Variants in DDX41 observed in about 807,000 individuals in gnomAD.
DDX41 encodes the protein probable ATP-dependent RNA helicase DDX41.
In DDX41, 50 loss-of-function variants were observed where a neutral mutation model predicts 78.8. That is an observed-to-expected ratio of 0.63 (90% confidence interval 0.51 to 0.80). DDX41 has a LOEUF of 0.80. Among genes scored for constraint, DDX41 ranks in the 30% least tolerant of loss-of-function variants. DDX41 has a pLI of 0.00. For missense variants in DDX41, 633 were observed against 849.2 expected (o/e 0.75, Z 3.16); for synonymous variants, 381 against 321.5 (o/e 1.19, Z -1.98).
At chr5:177,515,390 GGAAAAAAA>G (rs780884471) in intron 6 of DDX41, 132 bp from the exon 7 acceptor site, 16 of 993,826 alleles carry the variant, frequency 1.6e-5, no homozygotes, top group Non-Finnish European at 2.2e-5. Flanking sequence ...GAGAGAGAGT[GGAAAAAAA>G]AAAAGAAAAA....
chr5:177,515,278 T>C lies in DDX41; in HGVS notation c.572-20A>G. 6.2e-7 allele frequency: 1 copy of C among 1,613,578 alleles called. No individual in the cohort carries two copies. The highest frequency in any genetic ancestry group is 8.5e-7 in the Non-Finnish European group (1 of 1,179,820). On this transcript the variant is annotated intron_variant, in intron 6 of 16. Transcript: ENST00000330503. ...GGATGGCTATGAAAACCAACCGACA[T>C]CGTCTTCATGACTCACAGGTACTTT...
Position 177,514,016 on chromosome 5 carries a change from C to T in DDX41, c.936-169G>A, listed in dbSNP as rs1761107207. On this transcript the variant is annotated intron_variant, in intron 9 of 16. Coordinates refer to ENST00000330503, the MANE Select transcript of DDX41 (RefSeq NM_016222.4). This position sits in a 1 kb window ranked among gnomAD's most constrained non-coding sequence, Gnocchi z 4.2. ...CCTATGTATAGCACACAGCTCTTTC[C>T]CAAGGCACTGCAGCCATCTTCACCA... Among the ~76,000 whole-genome samples the T allele has an allele frequency of 6.6e-6, 1 of 152,196 alleles. No individual in the cohort carries two copies. Among genetic ancestry groups the T allele is most frequent in the African/African-American group, 2.4e-5 (1 of 41,446 alleles).
intron 1 of DDX41, 40 bp downstream of exon 1, chr5:177,516,879 C>T (rs748218871): frequency 1.9e-6 from 3 of 1,613,326 alleles, no homozygotes; most frequent in Non-Finnish European, 2.5e-6. Flanking sequence ...CCCCTCTTCA[C>T]GCCCGCTCCC....
Position 177,513,586 on chromosome 5 carries a change from G to C in DDX41, c.1098+99C>G. Reference sequence around the variant, plus strand: ...CTGAGACACAGCCCACAAAGTATGAGCAGTGGGTTGGGGTGGCCAGGGGCA... The same window carrying C: ...CTGAGACACAGCCCACAAAGTATGACCAGTGGGTTGGGGTGGCCAGGGGCA... On this transcript the variant is annotated intron_variant, in intron 10 of 16. Coordinates refer to ENST00000330503, the MANE Select transcript of DDX41 (RefSeq NM_016222.4). This position sits in a 1 kb window ranked among gnomAD's most constrained non-coding sequence, Gnocchi z 4.6. 1 of 1,603,462 alleles carries C rather than the reference G, an allele frequency of 6.2e-7. No individual in the cohort carries two copies. The highest frequency in any genetic ancestry group is 2.2e-5 in the East Asian group (1 of 44,790).
In DDX41 at chr5:177,514,634, G is replaced by T; in HGVS notation, c.935+67C>A. ...AGATCTGTGGAGTGGCTAAGGTAAAGGGTCCTTTAGCTTTTCCACAGACTC... is the reference window on the plus strand; with the variant it reads ...AGATCTGTGGAGTGGCTAAGGTAAATGGTCCTTTAGCTTTTCCACAGACTC... On this transcript the variant is annotated intron_variant, in intron 9 of 16. Transcript: ENST00000330503. This position sits in a 1 kb window ranked among gnomAD's most constrained non-coding sequence, Gnocchi z 4.2. 6.4e-7 allele frequency: 1 copy of T among 1,553,060 alleles called. No individual in the cohort carries two copies. Among genetic ancestry groups the T allele is most frequent in the Non-Finnish European group, 8.7e-7 (1 of 1,149,496 alleles).
In DDX41 at chr5:177,511,777, G is replaced by A; in HGVS notation, c.*14C>T. The A allele has an allele frequency of 6.2e-7, 1 of 1,613,904 alleles. No homozygotes were observed. The highest frequency in any genetic ancestry group is 1.1e-5 in the South Asian group (1 of 91,088). On this transcript the variant is annotated 3_prime_UTR_variant, in exon 17 of 17. Coordinates refer to ENST00000330503, the MANE Select transcript of DDX41 (RefSeq NM_016222.4). ...GGGACTGAGGCCTCTTGGAGAGAAG[G>A]GAAGACTGTCGGCTCAGAAGTCCAT...
chr5:177,515,089 C>G lies in DDX41; in HGVS notation c.645-20G>C, dbSNP rs781318967. The G allele has an allele frequency of 1.2e-6, 2 of 1,611,616 alleles. No homozygotes were observed. Among genetic ancestry groups the G allele is most frequent in the East Asian group, 2.2e-5 (1 of 44,816 alleles). The stretch of plus-strand genomic sequence containing the variant: ...GATAGACTGTTGGGAGAGGATGACC[C>G]GAGGGCCAATTTCAACAGAAGATGA... On this transcript the variant is annotated intron_variant, in intron 7 of 16. Coordinates refer to ENST00000330503, the MANE Select transcript of DDX41 (RefSeq NM_016222.4).
At chr5:177,512,922 C>A (rs1355209694) in intron 12 of DDX41, 46 bp from the exon 13 acceptor site, 2 of 1,605,762 alleles carry the variant, frequency 1.2e-6, no homozygotes, top group Non-Finnish European at 1.7e-6. Flanking sequence ...TGCCTGGGCA[C>A]CCACCGCACC....
Position 177,516,147 on chromosome 5 carries a change from C to G in DDX41, c.345G>C (p.Lys115Asn). The stretch of plus-strand genomic sequence containing the variant: ...GGCCCTCGGCAACACTCTCCAGGAT[C>G]TTCTCTTCTTCCTTCAGCTGCTTCT... ...AKEKQLKEEE[K>N]ILESVAEGRA... Residue 115 changes from lysine to asparagine, a missense_variant, in exon 4 of 17, where the codon AAG (lysine) becomes AAC (asparagine). Transcript: ENST00000330503. 6.2e-7 allele frequency: 1 copy of G among 1,614,064 alleles called. No individual in the cohort carries two copies. Among genetic ancestry groups the G allele is most frequent in the Non-Finnish European group, 8.5e-7 (1 of 1,180,042 alleles).
At position 177,512,858 on chromosome 5, in the gene DDX41, T is replaced by TTG; in HGVS notation, c.1320_1321insCA (p.Lys441GlnfsTer21). Reference sequence around the variant, plus strand: ...TGGATGGCGTCCACGTCTGCCTTCTTCTCTGCAAAGATGAGTACCTGTCCG... The same window carrying TTG: ...TGGATGGCGTCCACGTCTGCCTTCTTTGCTCTGCAAAGATGAGTACCTGTCCG... On this transcript the variant is annotated frameshift_variant, in exon 13 of 17. Coordinates refer to ENST00000330503, the MANE Select transcript of DDX41 (RefSeq NM_016222.4). LOFTEE classifies it high-confidence loss of function. 1 of 1,613,974 alleles carries TTG rather than the reference T, an allele frequency of 6.2e-7. No homozygotes were observed. Among genetic ancestry groups the TTG allele is most frequent in the South Asian group, 1.1e-5 (1 of 91,076 alleles).
Position 177,515,963 on chromosome 5 carries a change from T to C in DDX41, c.400A>G (p.Lys134Glu). ...RALMSVKEMA[K>E]GITYDDPIKT... ...ATGGGGTCATCATACGTAATGCCCT[T>C]AGCCATCTCCTTCACTGACATCAAT... The change falls in exon 5 of 17, where the codon AAG becomes GAG. Residue 134 changes from lysine (K) to glutamate (E), a missense_variant. This residue lies in a region of DDX41 where 126 missense variants were observed against 115.5 expected (regional missense o/e 1.09). Transcript: ENST00000330503. The C allele has an allele frequency of 6.2e-7, 1 of 1,614,188 alleles. No homozygotes were observed. Among genetic ancestry groups the C allele is most frequent in the Non-Finnish European group, 8.5e-7 (1 of 1,180,028 alleles).
rs373575560 is a variant in DDX41, at chr5:177,515,214, G to A, written c.616C>T (p.Pro206Ser). ...LKKKGIHHPT[P>S]IQIQGIPTIL... is the part of the protein sequence containing the mutation. ...GTGGGGATGCCCTGGATCTGAATGG[G>A]TGTTGGGTGGTGAATGCCTTTCTTC... The change falls in exon 7 of 17, where the codon CCC (proline) becomes TCC (serine). Residue 206 changes from proline (P) to serine (S), a missense_variant. By Grantham distance (74) the Pro-to-Ser change is moderately conservative (BLOSUM62 -1). Coordinates refer to ENST00000330503, the MANE Select transcript of DDX41 (RefSeq NM_016222.4). 1 of 1,614,004 alleles carries A rather than the reference G, an allele frequency of 6.2e-7. No homozygotes were observed. The highest frequency in any genetic ancestry group is 1.1e-5 in the South Asian group (1 of 91,086).
rs1262019290 is a variant in DDX41 at position 177,513,644 on chromosome 5, G to C, written c.1098+41C>G. The C allele has an allele frequency of 1.9e-6, 3 of 1,610,316 alleles. No homozygotes were observed. Among genetic ancestry groups the C allele is most frequent in the African/African-American group, 1.3e-5 (1 of 74,890 alleles). On this transcript the variant is annotated intron_variant, in intron 10 of 16. Coordinates refer to ENST00000330503, the MANE Select transcript of DDX41 (RefSeq NM_016222.4). The surrounding 1 kb of genome is among the most constrained non-coding windows in gnomAD (Gnocchi z 4.6). ...CCTGCAGTCTGATGTGGCGTGCAGT[G>C]GGGGGCGGTGCAGGGTGCCCTGGCC...
At chr5:177,516,867 CT>C (rs1184254319) in intron 1 of DDX41, 32 bp from the exon 2 acceptor site, 1 of 1,613,124 alleles carries the variant, frequency 6.2e-7, no homozygotes, top group Non-Finnish European at 8.5e-7. Flanking sequence ...GCACGGCCTG[CT>C]CCCCTCTTCA....
chr5:177,511,788 G>A lies in DDX41; in HGVS notation c.*3C>T, dbSNP rs73804364. Reference sequence around the variant, plus strand: ...CTCTTGGAGAGAAGGGAAGACTGTCGGCTCAGAAGTCCATGGAGCTGTGGG... The same window carrying A: ...CTCTTGGAGAGAAGGGAAGACTGTCAGCTCAGAAGTCCATGGAGCTGTGGG... On this transcript the variant is annotated 3_prime_UTR_variant, in exon 17 of 17. Transcript: ENST00000330503. 2,349 of 1,613,966 alleles carry A rather than the reference G, an allele frequency of 1.5e-3. 44 individuals are homozygous for A. The African/African-American group carries it at 0.028, about 19-fold the overall frequency.
chr5:177,516,048 AGATATAACATGCCT>A lies in DDX41; in HGVS notation c.373+57_374-60del. ...TGCTTCTGAGAAGCCAGATCCCTTGAGATATAACATGCCTGGGGCTGGGAGGAGAAGACTCAGTC... is the reference window on the plus strand; with the variant it reads ...TGCTTCTGAGAAGCCAGATCCCTTGAGGGGCTGGGAGGAGAAGACTCAGTC... On this transcript the variant is annotated intron_variant, in intron 4 of 16. Coordinates refer to ENST00000330503, the MANE Select transcript of DDX41 (RefSeq NM_016222.4). 3 of 1,613,952 alleles carry A rather than the reference AGATATAACATGCCT, an allele frequency of 1.9e-6. No homozygotes were observed. In the South Asian group the frequency reaches 3.3e-5, roughly 18 times the overall value.
At chr5:177,512,281 G>GACCCAGGGA (rs1561730476) in intron 15 of DDX41, 41 bp downstream of exon 15, 10 of 1,613,874 alleles carry the variant, frequency 6.2e-6, no homozygotes, top group Admixed American at 5.0e-5. Context: ...ACAGGCAGGG[G>GACCCAGGGA]ACCCAGGGAA....
Position 177,514,799 on chromosome 5 carries a change from G to A in DDX41, c.837C>T (p.Tyr279=), listed in dbSNP as rs1033031279. 1.2e-6 allele frequency: 2 copies of A among 1,612,930 alleles called. No individual in the cohort carries two copies. The highest frequency in any genetic ancestry group is 1.7e-6 in the Non-Finnish European group (2 of 1,179,928). Residue 279 remains tyrosine, a synonymous_variant, in exon 9 of 17, where the codon TAC becomes TAT. Coordinates refer to ENST00000330503, the MANE Select transcript of DDX41 (RefSeq NM_016222.4). This position sits in a 1 kb window ranked among gnomAD's most constrained non-coding sequence, Gnocchi z 4.2. ...TGTCCTCCTGCAGCAGGCGGCAGTAGTACTCCAGGATGCCATGGGTCTGCC... is the reference window on the plus strand; with the variant it reads ...TGTCCTCCTGCAGCAGGCGGCAGTAATACTCCAGGATGCCATGGGTCTGCC... ...LARQTHGILE[Y]YCRLLQEDSS...
rs61736556 is a variant in DDX41 at position 177,513,014 on chromosome 5, C to T, written c.1299G>A (p.Pro433=). ...GGCCTGGCCTGGCTGCACTCACAGG[C>T]GGGGGTGTCTTCTGCAGGCACTCGA... The part of the protein sequence containing the change: ...YLLECLQKTP[P]PVLIFAEKKA... The change falls in exon 12 of 17, where the codon CCG becomes CCA. Residue 433 remains proline, a synonymous_variant. Coordinates refer to ENST00000330503, the MANE Select transcript of DDX41 (RefSeq NM_016222.4). This position sits in a 1 kb window ranked among gnomAD's most constrained non-coding sequence, Gnocchi z 4.6. 903 of 1,613,612 alleles carry T rather than the reference C, an allele frequency of 5.6e-4. 5 individuals are homozygous for T. The African/African-American group carries it at 9.2e-3, about 17-fold the overall frequency.
Sources: allele counts gnomAD v4.1 joint callset (sites outside exome capture counted in the v4.1 genomes callset), GRCh38; gene constraint gnomAD v4.1.1; regional missense constraint gnomAD v4.1.1; non-coding constraint Gnocchi (gnomAD v3.1); transcripts MANE v1.5; gene names NCBI Gene and HGNC (gene_info 2026-07-23, HGNC 2026-07-21).